The following ABCB1 variants were observed in gnomAD, a reference collection of about 807,000 sequenced individuals.
The protein encoded by ABCB1 is ATP-dependent translocase ABCB1.
In ABCB1, 69 loss-of-function variants were observed where a neutral mutation model predicts 142.0. The ratio of observed to expected loss-of-function variants is 0.49; its 90% CI spans 0.40 to 0.59. The LOEUF (loss-of-function observed/expected upper bound fraction) is 0.59, where lower values mean the gene tolerates loss of function less well. Ranked by LOEUF, ABCB1 falls within the 20% of genes least tolerant of loss-of-function variation. The pLI, the probability that ABCB1 is intolerant of heterozygous loss-of-function variation, is 0.00. For missense variants in ABCB1, 1,326 were observed against 1,554.7 expected, an observed-to-expected ratio of 0.85 and a Z score of 2.47; for synonymous variants, 532 against 539.2, an observed-to-expected ratio of 0.99 and a Z score of 0.18.
intron 3 of ABCB1, among the ~76,000 whole-genome samples, chr7:87,593,764 G>C (rs1282768874): frequency 3.9e-5 from 6 of 152,182 alleles, no homozygotes; most frequent in Admixed American, 3.9e-4. Context: ...TTCTACAAGT[G>C]CTGTCTTAAC....
chr7:87,661,468 A>C (rs1824711378), intron 1 of ABCB1, among the ~76,000 whole-genome samples: 1 of 151,480 alleles, frequency 6.6e-6, no homozygotes, highest in Non-Finnish European at 1.5e-5. Flanking sequence ...TATCTCTATA[A>C]GTTTAACTGT....
chr7:87,626,331 G>C (rs796356423), intron 1 of ABCB1, among the ~76,000 whole-genome samples: 19 of 30,030 alleles, frequency 6.3e-4, no homozygotes, highest in Non-Finnish European at 9.8e-4. Context: ...TCATATATAT[G>C]TGTCGTATAT....
intron 19 of ABCB1, 34 bp from the exon 20 acceptor site, chr7:87,536,575 G>A: frequency 6.2e-7 from 1 of 1,604,574 alleles, no homozygotes; most frequent in South Asian, 1.1e-5. Flanking sequence ...TTACCTTAAA[G>A]CTGTTTATGA....
At chr7:87,524,851 G>C (rs1453570224) in intron 21 of ABCB1, among the ~76,000 whole-genome samples, 1 of 151,826 alleles carries the variant, frequency 6.6e-6, no homozygotes, top group African/African-American at 2.4e-5. Context: ...AAATTCAACA[G>C]ACTATAACAA....
chr7:87,697,855 T>G (rs1231425234), intron 1 of ABCB1, among the ~76,000 whole-genome samples: 1 of 152,086 alleles, frequency 6.6e-6, no homozygotes, highest in Non-Finnish European at 1.5e-5. Flanking sequence ...TAGAAAGTGA[T>G]CTAGTTCAGG....
In ABCB1 at chr7:87,546,406, G is replaced by A. The variant is rs574039171; in HGVS notation, c.1726-382C>T. On this transcript the variant is annotated intron_variant, in intron 14 of 27. Coordinates refer to ENST00000622132, the MANE Select transcript of ABCB1 (RefSeq NM_001348946.2). ...GATCAAGACCATCCTGGCTAACACA[G>A]TGAAACCCCATCTCTACTAAAAATA... Among the ~76,000 whole-genome samples, 12 of 152,144 alleles carry A rather than the reference G, an allele frequency of 7.9e-5. No homozygotes were observed. The East Asian group carries it at 2.3e-3, about 29-fold the overall frequency.
At chr7:87,593,585 T>G (rs1310795273) in intron 3 of ABCB1, among the ~76,000 whole-genome samples, 2 of 152,230 alleles carry the variant, frequency 1.3e-5, no homozygotes, top group Admixed American at 1.3e-4. Flanking sequence ...TTCTAACTGA[T>G]AAGTATGGCC....
intron 1 of ABCB1, among the ~76,000 whole-genome samples, chr7:87,671,210 C>T (rs1165595112): frequency 6.6e-6 from 1 of 152,160 alleles, no homozygotes; most frequent in African/African-American, 2.4e-5. Context: ...GTACTGGCCT[C>T]CTCTCCTTGG....
intron 1 of ABCB1, among the ~76,000 whole-genome samples, chr7:87,651,558 C>T (rs1031176304): frequency 6.6e-6 from 1 of 152,054 alleles, no homozygotes; most frequent in Non-Finnish European, 1.5e-5. Context: ...TAAGTACTAA[C>T]TTTATCACAT....
rs78522169 is a variant in ABCB1 at position 87,547,055 on chromosome 7, C to G, written c.1726-1031G>C. 3.5e-4 allele frequency among the ~76,000 whole-genome samples: 53 copies of G among 152,240 alleles called. No homozygotes were observed. The East Asian group carries it at 5.6e-3, about 16-fold the overall frequency. On this transcript the variant is annotated intron_variant, in intron 14 of 27. Transcript: ENST00000622132. The stretch of plus-strand genomic sequence containing the variant: ...AGTCTCTTTTATTTTCATAAAGGAA[C>G]AGAGCCAGATATCCAGGCCTTGTCT...
intron 8 of ABCB1, among the ~76,000 whole-genome samples, chr7:87,557,126 C>A (rs758691665): frequency 1.5e-4 from 23 of 152,156 alleles, no homozygotes; most frequent in Non-Finnish European, 2.5e-4. Context: ...TCTTTCAGAT[C>A]ACATTTTTAA....
intron 1 of ABCB1, among the ~76,000 whole-genome samples, chr7:87,676,026 G>A (rs1826317220): frequency 6.6e-6 from 1 of 151,714 alleles, no homozygotes; most frequent in Admixed American, 6.6e-5. Flanking sequence ...AGGACTTTGA[G>A]ATCTACCTGG....
intron 21 of ABCB1, among the ~76,000 whole-genome samples, chr7:87,530,838 C>CAAGAAAGCAAGA (rs1412073870): frequency 0.043 from 3,037 of 70,594 alleles, 72 homozygotes; most frequent in East Asian, 0.088. Flanking sequence ...AGCAAGAAAG[C>CAAGAAAGCAAGA]AAGAAAGAAA....
At chr7:87,707,084 G>A (rs2130727027) in intron 1 of ABCB1, among the ~76,000 whole-genome samples, 1 of 152,176 alleles carries the variant, frequency 6.6e-6, no homozygotes, top group East Asian at 1.9e-4. Context: ...AAATTGTGAG[G>A]TGATTTTCTA....
chr7:87,597,879 G>A (rs1371175226), intron 2 of ABCB1, among the ~76,000 whole-genome samples: 1 of 152,086 alleles, frequency 6.6e-6, no homozygotes, highest in Non-Finnish European at 1.5e-5. Context: ...TGAACTTTTA[G>A]ATTGTTTTTG....
chr7:87,612,535 T>C (rs1484636263), intron 1 of ABCB1, among the ~76,000 whole-genome samples: 1 of 152,176 alleles, frequency 6.6e-6, no homozygotes, highest in Non-Finnish European at 1.5e-5. Flanking sequence ...TCCCCAATCA[T>C]GATTTTGTGT....
At chr7:87,585,421 T>C in intron 4 of ABCB1, 91 bp downstream of exon 4, 1 of 1,250,716 alleles carries the variant, frequency 8.0e-7, no homozygotes. Context: ...AACACACTAA[T>C]GTGTATTTAG....
chr7:87,537,681 T>A (rs1457351015), intron 19 of ABCB1, among the ~76,000 whole-genome samples: 1 of 152,176 alleles, frequency 6.6e-6, no homozygotes, highest in Non-Finnish European at 1.5e-5. Context: ...GTTAGATAAA[T>A]GTAGCTCAGG....
chr7:87,642,026 G>A (rs76844600), intron 1 of ABCB1, among the ~76,000 whole-genome samples: 2,020 of 151,832 alleles, frequency 0.013, 17 homozygotes, highest in Non-Finnish European at 0.013. Context: ...TAATTTATAC[G>A]TGGACGATAT....
Sources: gnomAD v4.1 joint callset for allele counts (sites outside exome capture counted in the v4.1 genomes callset) on GRCh38, gnomAD v4.1.1 for gene constraint, MANE v1.5 for transcripts, NCBI Gene and HGNC (gene_info 2026-07-23, HGNC 2026-07-21) for gene names.